The following DHDDS variants were observed in gnomAD, a reference collection of about 807,000 sequenced individuals.
The protein encoded by DHDDS is dehydrodolichyl diphosphate synthase subunit.
Under a neutral mutation model 46.2 loss-of-function variants are expected in DHDDS, and 16 were observed. That is an observed-to-expected ratio of 0.35 (90% CI 0.23 to 0.53). The LOEUF is 0.53. Ranked by LOEUF, DHDDS falls within the 20% of genes least tolerant of loss-of-function variation. The pLI is 0.94. For missense variants in DHDDS, 340 were observed against 423.7 expected (o/e 0.80, Z 1.73); for synonymous variants, 151 against 163.1 (o/e 0.93, Z 0.56).
At chr1:26,442,990 G>C in intron 4 of DHDDS, 117 bp downstream of exon 4, 2 of 1,535,214 alleles carry the variant, frequency 1.3e-6, no homozygotes, top group South Asian at 1.2e-5. Context: ...TTTAATGTTA[G>C]TTAGATATCT....
At position 26,459,313 on chromosome 1, in the gene DHDDS, T is replaced by C. The variant is rs534502571; in HGVS notation, c.658-724T>C. Among the ~76,000 whole-genome samples, 185 of 152,330 alleles carry C rather than the reference T, an allele frequency of 1.2e-3. 1 individual carries two copies. The highest frequency in any genetic ancestry group is 4.1e-3 in the African/African-American group (172 of 41,570). On this transcript the variant is annotated intron_variant, in intron 7 of 8. Coordinates refer to ENST00000236342, the MANE Select transcript of DHDDS (RefSeq NM_205861.3). ...GCCAAACAGGCTATCGGACAACTAG[T>C]TATCCCCCATGAGGTACTGAATTCC... is the stretch of plus-strand genomic sequence containing the variant.
At chr1:26,436,398 C>A (rs1345146267) in intron 2 of DHDDS, among the ~76,000 whole-genome samples, 1 of 114,368 alleles carries the variant, frequency 8.7e-6, no homozygotes, top group African/African-American at 3.1e-5. Context: ...GAGTAAGACT[C>A]TGTTTTGTTT....
intron 6 of DHDDS, chr1:26,454,660 T>G: frequency 1.4e-6 from 2 of 1,455,362 alleles, no homozygotes; most frequent in Non-Finnish European, 1.9e-6. Context: ...AGTTTTTGTT[T>G]CTTCAGTTTC....
chr1:26,468,088 C>T (rs975519442), intron 8 of DHDDS, among the ~76,000 whole-genome samples: 3 of 152,198 alleles, frequency 2.0e-5, no homozygotes, highest in African/African-American at 7.2e-5. Flanking sequence ...GAGCTGGTTG[C>T]AAGAGGCTTG....
chr1:26,444,499 G>A (rs114898450), intron 4 of DHDDS, among the ~76,000 whole-genome samples: 3,740 of 152,262 alleles, frequency 0.025, 82 homozygotes, highest in Non-Finnish European at 0.035. Context: ...AGCACTTTGG[G>A]AAGCCAAGGA....
chr1:26,468,767 TG>T, intron 8 of DHDDS, 127 bp from the exon 9 acceptor site: 2 of 1,327,934 alleles, frequency 1.5e-6, no homozygotes, highest in Non-Finnish European at 2.1e-6. Flanking sequence ...TTTTCAAATC[TG>T]GTACCTACTT....
intron 2 of DHDDS, chr1:26,433,225 A>T: frequency 3.3e-6 from 2 of 609,446 alleles, no homozygotes; most frequent in East Asian, 2.8e-5. Context: ...AGGCCTCTTA[A>T]TGTCACTGGG....
At chr1:26,440,947 C>T (rs2075212668) in intron 3 of DHDDS, among the ~76,000 whole-genome samples, 1 of 149,170 alleles carries the variant, frequency 6.7e-6, no homozygotes, top group African/African-American at 2.5e-5. Flanking sequence ...TTTTTTGAGA[C>T]GGAGTGTTGC....
At chr1:26,465,065 C>G (rs1215777970) in intron 8 of DHDDS, among the ~76,000 whole-genome samples, 1 of 152,102 alleles carries the variant, frequency 6.6e-6, no homozygotes, top group East Asian at 1.9e-4. Context: ...GAGGCAGGGA[C>G]AAATAGAGAA....
At chr1:26,456,539 T>C (rs1331570911) in intron 6 of DHDDS, among the ~76,000 whole-genome samples, 2 of 152,046 alleles carry the variant, frequency 1.3e-5, no homozygotes, top group African/African-American at 2.4e-5. Flanking sequence ...ACTACAGGCA[T>C]GCGGCACCAC....
chr1:26,445,392 CAT>C (rs2075258756), intron 4 of DHDDS, among the ~76,000 whole-genome samples: 1 of 152,188 alleles, frequency 6.6e-6, no homozygotes, highest in Non-Finnish European at 1.5e-5. Flanking sequence ...AAAAAGGACA[CAT>C]GAGGTCGTGT....
intron 6 of DHDDS, among the ~76,000 whole-genome samples, chr1:26,453,048 C>T (rs1570351005): frequency 2.0e-5 from 3 of 151,862 alleles, no homozygotes; most frequent in South Asian, 2.1e-4. Flanking sequence ...GCTATGGTTG[C>T]GCCATTGCTC....
Position 26,469,313 on chromosome 1 carries a change from C to G in DHDDS, c.*182C>G. On this transcript the variant is annotated 3_prime_UTR_variant, in exon 9 of 9. Coordinates refer to ENST00000236342, the MANE Select transcript of DHDDS (RefSeq NM_205861.3). ...ACCTTTGGGCTGCCTGGGACAGGCT[C>G]CTGAGGAGGATTGAGGGTGAAAGTC... 2 of 1,130,370 alleles carry G rather than the reference C, an allele frequency of 1.8e-6. No homozygotes were observed. The highest frequency in any genetic ancestry group is 2.5e-6 in the Non-Finnish European group (2 of 789,660). The allele number at this position is 1,130,370 out of a possible 1,614,324, so 70.0% of individuals were successfully genotyped here.
chr1:26,444,092 C>T (rs1461755043), intron 4 of DHDDS, among the ~76,000 whole-genome samples: 2 of 152,192 alleles, frequency 1.3e-5, no homozygotes, highest in Non-Finnish European at 2.9e-5. Context: ...CTCTGAGAGA[C>T]AGACCATATT....
At chr1:26,433,554 T>A (rs191865898) in intron 2 of DHDDS, among the ~76,000 whole-genome samples, 1 of 151,052 alleles carries the variant, frequency 6.6e-6, no homozygotes, top group Admixed American at 6.6e-5. Flanking sequence ...AAGGCTGAAG[T>A]GGGAGAATTT....
chr1:26,469,307 C>A lies in DHDDS; in HGVS notation c.*176C>A. 8.3e-7 allele frequency: 1 copy of A among 1,206,118 alleles called. No individual in the cohort carries two copies. Among genetic ancestry groups the A allele is most frequent in the Non-Finnish European group, 1.2e-6 (1 of 854,614 alleles). 74.7% of individuals were successfully genotyped at this position (1,206,118 alleles called of 1,614,324 possible). A position where few individuals can be genotyped will look rare whatever the true frequency, so the allele number is the denominator to read the frequency against. On this transcript the variant is annotated 3_prime_UTR_variant, in exon 9 of 9. Transcript: ENST00000236342. ...ATAGATACCTTTGGGCTGCCTGGGA[C>A]AGGCTCCTGAGGAGGATTGAGGGTG... is the stretch of plus-strand genomic sequence containing the variant.
chr1:26,467,303 G>A (rs969655771), intron 8 of DHDDS: 1 of 471,186 alleles, frequency 2.1e-6, no homozygotes, highest in African/African-American at 2.0e-5. Flanking sequence ...CACCCAGGGA[G>A]CCTCCTGACC....
intron 2 of DHDDS, 119 bp from the exon 3 acceptor site, chr1:26,438,049 C>G: frequency 1.0e-6 from 1 of 987,844 alleles, no homozygotes; most frequent in South Asian, 1.3e-5. Context: ...ACAAAGTACC[C>G]AATTCCCTTC....
In DHDDS at chr1:26,443,051, A is replaced by AATTTTT. The variant is rs1336155061; in HGVS notation, c.323+178_323+179insATTTTT. On this transcript the variant is annotated intron_variant, in intron 4 of 8. Transcript: ENST00000236342. Reference sequence around the variant, plus strand: ...GATAGTCTTTCATTCTTTATTTCTAACTTTTTAATAAAAAAGGGGGCATTT... The same window carrying AATTTTT: ...GATAGTCTTTCATTCTTTATTTCTAAATTTTTCTTTTTAATAAAAAAGGGGGCATTT... The AATTTTT allele has an allele frequency of 1.1e-5, 7 of 619,944 alleles. No individual in the cohort carries two copies. In the African/African-American group the frequency reaches 2.2e-4, roughly 20 times the overall value. The allele number at this position is 619,944 out of a possible 1,614,324, so 38.4% of individuals were successfully genotyped here. A position where few individuals can be genotyped will look rare whatever the true frequency, so the allele number is the denominator to read the frequency against.
Sources: gnomAD v4.1 joint callset for allele counts (sites outside exome capture counted in the v4.1 genomes callset) on GRCh38, gnomAD v4.1.1 for gene constraint, MANE v1.5 for transcripts, NCBI Gene and HGNC (gene_info 2026-07-23, HGNC 2026-07-21) for gene names.